Variants in TMEM132D observed in about 807,000 individuals in gnomAD.
TMEM132D encodes transmembrane protein 132D.
A neutral mutation model predicts 62.3 loss-of-function variants in TMEM132D; 21 were observed. The ratio of observed to expected loss-of-function variants is 0.34; its 90% confidence interval spans 0.24 to 0.49. TMEM132D has a LOEUF of 0.49. TMEM132D is among the 20% of genes least tolerant of loss of function. The pLI, the probability that TMEM132D is intolerant of heterozygous loss-of-function variation, is 0.99. For missense variants in TMEM132D, 1,346 were observed against 1,402.8 expected (o/e 0.96, Z 0.65); for synonymous variants, 621 against 575.6 (o/e 1.08, Z -1.13).
chr12:129,092,651 G>A (rs557770618), intron 5 of TMEM132D, among the ~76,000 whole-genome samples: 12 of 152,034 alleles, frequency 7.9e-5, no homozygotes, highest in South Asian at 2.1e-4. Flanking sequence ...GCTGAGACTC[G>A]CGCCATTTTA....
At chr12:129,708,246 G>A (rs545951188) in intron 1 of TMEM132D, among the ~76,000 whole-genome samples, 1 of 152,132 alleles carries the variant, frequency 6.6e-6, no homozygotes, top group African/African-American at 2.4e-5. Flanking sequence ...AGAAAACAGG[G>A]TGAGAGGATA....
At chr12:129,402,543 C>T (rs1481703541) in intron 3 of TMEM132D, among the ~76,000 whole-genome samples, 5 of 152,128 alleles carry the variant, frequency 3.3e-5, no homozygotes, top group Non-Finnish European at 5.9e-5. Context: ...CATGCCCTAA[C>T]CCTTTGGTAC....
At chr12:129,430,427 G>T (rs11060343) in intron 3 of TMEM132D, among the ~76,000 whole-genome samples, 53,796 of 151,954 alleles carry the variant, frequency 0.35, 9,664 homozygotes, top group East Asian at 0.48. Context: ...TTTTGATGGG[G>T]TTTTTTCTTG....
At chr12:129,215,487 AC>A (rs1456143638) in intron 4 of TMEM132D, among the ~76,000 whole-genome samples, 3 of 152,228 alleles carry the variant, frequency 2.0e-5, no homozygotes, top group Admixed American at 2.0e-4. Context: ...AATAAGAGTT[AC>A]ATAAAAATTA....
In TMEM132D at chr12:129,222,492, T is replaced by C. The variant is rs1201841483; in HGVS notation, c.1300-12829A>G. 2.0e-5 allele frequency among the ~76,000 whole-genome samples: 3 copies of C among 152,244 alleles called. No individual in the cohort carries two copies. In the East Asian group the frequency reaches 5.8e-4, roughly 29 times the overall value. On this transcript the variant is annotated intron_variant, in intron 4 of 8. Transcript: ENST00000422113. ...TATGCTATATTCCCCTTTTTTGATA[T>C]AGCAGTTTTAGACTTTAGCTACTGA... is the stretch of plus-strand genomic sequence containing the variant.
chr12:129,123,094 T>A (rs1412327463), intron 5 of TMEM132D, among the ~76,000 whole-genome samples: 1 of 152,226 alleles, frequency 6.6e-6, no homozygotes, highest in South Asian at 2.1e-4. Flanking sequence ...TTCTAAACTA[T>A]CAATAATAAA....
intron 5 of TMEM132D, among the ~76,000 whole-genome samples, chr12:129,116,904 G>A (rs1007070639): frequency 1.6e-4 from 15 of 92,764 alleles, no homozygotes; most frequent in Non-Finnish European, 2.2e-4. Flanking sequence ...ACCCAAATGA[G>A]CTGAAAATTT....
At chr12:129,855,210 G>A (rs12426799) in intron 1 of TMEM132D, among the ~76,000 whole-genome samples, 4 of 81,598 alleles carry the variant, frequency 4.9e-5, no homozygotes, top group South Asian at 5.4e-4. Context: ...AACAGAGTCC[G>A]GGGGAACGGG....
At chr12:129,260,701 T>G (rs1284234019) in intron 4 of TMEM132D, among the ~76,000 whole-genome samples, 3 of 152,180 alleles carry the variant, frequency 2.0e-5, no homozygotes, top group African/African-American at 7.2e-5. Context: ...AAGTTCATTT[T>G]ATCATTCTTA....
At position 129,385,961 on chromosome 12, in the gene TMEM132D, A is replaced by G. The variant is rs141196631; in HGVS notation, c.1116-48144T>C. On this transcript the variant is annotated intron_variant, in intron 3 of 8. Coordinates refer to ENST00000422113, the MANE Select transcript of TMEM132D (RefSeq NM_133448.3). The stretch of plus-strand genomic sequence containing the variant: ...GGACCTCTTAGCTAACATCCACTGC[A>G]GACGGGGCACCTTGTGCTGCACACA... Among the ~76,000 whole-genome samples the G allele has an allele frequency of 9.5e-3, 1,454 of 152,322 alleles. 10 individuals are homozygous for G. The highest frequency in any genetic ancestry group is 0.027 in the Middle Eastern group (8 of 294).
intron 5 of TMEM132D, among the ~76,000 whole-genome samples, chr12:129,140,711 T>C (rs4964874): frequency 0.99 from 150,766 of 152,104 alleles, 74,733 homozygotes; most frequent in Middle Eastern, 1. Context: ...TGGTGGAAGG[T>C]GCTTGTAATC....
intron 1 of TMEM132D, among the ~76,000 whole-genome samples, chr12:129,832,054 TTTTTTTTG>T (rs1217560431): frequency 5.6e-5 from 5 of 88,710 alleles, no homozygotes; most frequent in Non-Finnish European, 1.1e-4. Flanking sequence ...TTTTTTTTTT[TTTTTTTTG>T]TATTTTAGTA....
At chr12:129,162,374 G>A (rs1000379573) in intron 5 of TMEM132D, among the ~76,000 whole-genome samples, 1 of 152,180 alleles carries the variant, frequency 6.6e-6, no homozygotes, top group Non-Finnish European at 1.5e-5. Flanking sequence ...CCAAAACCGT[G>A]AGAAAATAAA....
intron 2 of TMEM132D, among the ~76,000 whole-genome samples, chr12:129,585,243 A>C (rs775376593): frequency 6.6e-6 from 1 of 152,240 alleles, no homozygotes; most frequent in Non-Finnish European, 1.5e-5. Context: ...GGAAAAAGCC[A>C]AGAGTGTTAC....
chr12:129,085,094 T>C (rs1308057497), intron 5 of TMEM132D: 8 of 282,412 alleles, frequency 2.8e-5, no homozygotes, highest in Non-Finnish European at 5.2e-5. Context: ...GCCCAGTGAC[T>C]ACCTGGTGGG....
At chr12:129,886,923 A>T (rs574497218) in intron 1 of TMEM132D, among the ~76,000 whole-genome samples, 2 of 152,206 alleles carry the variant, frequency 1.3e-5, no homozygotes, top group South Asian at 4.2e-4. Context: ...TACGAAGAAC[A>T]TGTTTACTTC....
rs141942402 is a variant in TMEM132D, at chr12:129,894,807, A to G, written c.79+8454T>C. On this transcript the variant is annotated intron_variant, in intron 1 of 8. Coordinates refer to ENST00000422113, the MANE Select transcript of TMEM132D (RefSeq NM_133448.3). ...CTCTTATTAAGCTTATTTTCATACGAATCTCCAAGTCTTTTTACACGTGTT... is the reference window on the plus strand; with the variant it reads ...CTCTTATTAAGCTTATTTTCATACGGATCTCCAAGTCTTTTTACACGTGTT... 2.0e-3 allele frequency among the ~76,000 whole-genome samples: 301 copies of G among 151,962 alleles called. 3 individuals carry two copies. Among genetic ancestry groups the G allele is most frequent in the African/African-American group, 6.9e-3 (287 of 41,428 alleles).
chr12:129,563,041 T>A (rs1249095427), intron 2 of TMEM132D, among the ~76,000 whole-genome samples: 2 of 152,188 alleles, frequency 1.3e-5, no homozygotes, highest in East Asian at 3.9e-4. Context: ...ATACTTTTCA[T>A]CAAGATAGCC....
chr12:129,748,552 T>C (rs1164967057), intron 1 of TMEM132D, among the ~76,000 whole-genome samples: 1 of 152,180 alleles, frequency 6.6e-6, no homozygotes, highest in Non-Finnish European at 1.5e-5. Flanking sequence ...CAAGTTCATC[T>C]TGAGTTTAAA....
Sources: gnomAD v4.1 joint callset for allele counts (sites outside exome capture counted in the v4.1 genomes callset) on GRCh38, gnomAD v4.1.1 for gene constraint, MANE v1.5 for transcripts, NCBI Gene and HGNC (gene_info 2026-07-23, HGNC 2026-07-21) for gene names.